CCDC171: variants seen among roughly 807,000 people sequenced by gnomAD.
CCDC171 encodes coiled-coil domain containing 171.
In CCDC171, 177 loss-of-function variants were observed where a neutral mutation model predicts 168.2. The ratio of observed to expected loss-of-function variants is 1.05; its 90% confidence interval spans 0.93 to 1.19. CCDC171 has a LOEUF of 1.19. CCDC171 is among the 50% of genes most tolerant of loss of function. The probability of loss-of-function intolerance (pLI) is 0.00; values close to 1 mark genes in which losing one functional copy is unlikely to be tolerated. For missense variants in CCDC171, 1,991 were observed against 1,539.0 expected (o/e 1.29, Z -4.91); for synonymous variants, 687 against 540.8 (o/e 1.27, Z -3.75).
chr9:15,791,045 T>C (rs1296352693), intron 21 of CCDC171, among the ~76,000 whole-genome samples: 1 of 152,204 alleles, frequency 6.6e-6, no homozygotes, highest in Non-Finnish European at 1.5e-5. Context: ...CCTCCAGCTT[T>C]GTTCTTTTTG....
intron 25 of CCDC171, among the ~76,000 whole-genome samples, chr9:15,926,179 G>A (rs1806653648): frequency 6.6e-6 from 1 of 151,688 alleles, no homozygotes; most frequent in South Asian, 2.1e-4. Context: ...ATAGCAATTT[G>A]ACACATTGTA....
chr9:16,054,129 A>G (rs1296597782), intron 1 of CCDC171, among the ~76,000 whole-genome samples: 1 of 152,134 alleles, frequency 6.6e-6, no homozygotes, highest in Non-Finnish European at 1.5e-5. Context: ...GCGTGGAAAG[A>G]TATGGTCCTT....
At chr9:15,943,455 A>G (rs533956253) in intron 25 of CCDC171, among the ~76,000 whole-genome samples, 2 of 152,104 alleles carry the variant, frequency 1.3e-5, no homozygotes, top group South Asian at 4.1e-4. Context: ...GAAATAATTT[A>G]ACAATTAAAC....
chr9:15,962,185 A>G (rs1042957056), intron 25 of CCDC171, among the ~76,000 whole-genome samples: 1 of 152,184 alleles, frequency 6.6e-6, no homozygotes, highest in Non-Finnish European at 1.5e-5. Flanking sequence ...AACAGAAAAC[A>G]TATACCCTAG....
chr9:15,675,213 T>A (rs1055032399), intron 9 of CCDC171, among the ~76,000 whole-genome samples: 5 of 148,556 alleles, frequency 3.4e-5, no homozygotes, highest in African/African-American at 1.3e-4. Context: ...TTTTTTGCTT[T>A]CCATTTGCTT....
chr9:16,077,173 G>A, the CCDC171 span, among the ~76,000 whole-genome samples: 35 of 152,216 alleles, frequency 2.3e-4, no homozygotes, highest in Admixed American at 2.1e-3. Context: ...GCTTGAGAAA[G>A]GAGTGCTTTA....
chr9:15,614,528 C>T (rs2043945073), intron 6 of CCDC171, among the ~76,000 whole-genome samples: 1 of 152,170 alleles, frequency 6.6e-6, no homozygotes, highest in Admixed American at 6.5e-5. Context: ...AAATTAGATT[C>T]AGATAATTTT....
intron 6 of CCDC171, among the ~76,000 whole-genome samples, chr9:15,619,958 C>T (rs984141189): frequency 9.2e-5 from 14 of 152,128 alleles, no homozygotes; most frequent in Non-Finnish European, 1.9e-4. Context: ...GACAACAAAG[C>T]CCAGATGACA....
intron 3 of CCDC171, among the ~76,000 whole-genome samples, chr9:16,019,886 T>A (rs1833115887): frequency 6.6e-6 from 1 of 152,184 alleles, no homozygotes. Context: ...AGGGAAGTTA[T>A]CAATAGGCTC....
intron 18 of CCDC171, among the ~76,000 whole-genome samples, chr9:15,752,249 A>G (rs951305317): frequency 1.3e-5 from 2 of 152,190 alleles, no homozygotes; most frequent in Non-Finnish European, 2.9e-5. Flanking sequence ...AAAAGTCAGG[A>G]AACAACAGAT....
chr9:15,934,519 G>T (rs941386756), intron 25 of CCDC171, among the ~76,000 whole-genome samples: 1 of 151,954 alleles, frequency 6.6e-6, no homozygotes, highest in Non-Finnish European at 1.5e-5. Context: ...AACAAGCATT[G>T]CAAGGATATG....
At chr9:15,713,197 G>C (rs990931837) in intron 11 of CCDC171, among the ~76,000 whole-genome samples, 9 of 152,198 alleles carry the variant, frequency 5.9e-5, no homozygotes, top group Non-Finnish European at 1.3e-4. Context: ...CTTACTGGAA[G>C]GATTCTTTTT....
intron 22 of CCDC171, among the ~76,000 whole-genome samples, chr9:15,848,340 A>C (rs547814033): frequency 3.2e-4 from 48 of 152,086 alleles, no homozygotes; most frequent in Non-Finnish European, 4.9e-4. Flanking sequence ...GGCTAAATTC[A>C]ATATACTAGG....
chr9:15,557,090 A>T (rs565033105), intron 1 of CCDC171, among the ~76,000 whole-genome samples: 1 of 152,076 alleles, frequency 6.6e-6, no homozygotes, highest in Non-Finnish European at 1.5e-5. Context: ...ATTCTGTTCC[A>T]TTGGTCTATA....
chr9:15,729,262 C>CT (rs1375703747), intron 15 of CCDC171, among the ~76,000 whole-genome samples: 2 of 152,146 alleles, frequency 1.3e-5, no homozygotes, highest in South Asian at 2.1e-4. Flanking sequence ...ATCTTACTTA[C>CT]TTTTTTTCCC....
intron 1 of CCDC171, among the ~76,000 whole-genome samples, chr9:15,559,736 A>G (rs557513962): frequency 1.2e-4 from 18 of 152,202 alleles, no homozygotes; most frequent in African/African-American, 4.3e-4. Context: ...TTACATTTAA[A>G]GTTAATATTG....
At chr9:15,991,391 GAC>G (rs1235950684) in intron 3 of CCDC171, among the ~76,000 whole-genome samples, 7 of 149,484 alleles carry the variant, frequency 4.7e-5, no homozygotes, top group Non-Finnish European at 8.8e-5. Context: ...TGAGAACAAA[GAC>G]ACAACGTACC....
At position 15,914,483 on chromosome 9, in the gene CCDC171, G is replaced by A. The variant is rs576535198; in HGVS notation, c.3601-5787G>A. Among the ~76,000 whole-genome samples the A allele has an allele frequency of 3.3e-5, 5 of 152,184 alleles. No homozygotes were observed. In the East Asian group the frequency reaches 9.7e-4, roughly 29 times the overall value. On this transcript the variant is annotated intron_variant, in intron 24 of 25. Coordinates refer to ENST00000380701, the MANE Select transcript of CCDC171 (RefSeq NM_173550.4). ...CGCCTTCTCAAGCCTCAGTAATGGT[G>A]GACATGTCTCCCCACACCAAGCTTG...
the CCDC171 span, among the ~76,000 whole-genome samples, chr9:16,067,589 G>A: frequency 1.8e-4 from 28 of 152,266 alleles, no homozygotes; most frequent in Admixed American, 5.9e-4. Flanking sequence ...GGTTTTTATG[G>A]TTTTAGGTCT....
Sources: gnomAD v4.1 joint callset for allele counts (sites outside exome capture counted in the v4.1 genomes callset) on GRCh38, gnomAD v4.1.1 for gene constraint, MANE v1.5 for transcripts, NCBI Gene and HGNC (gene_info 2026-07-23, HGNC 2026-07-21) for gene names.